IGFBP3: variants seen among roughly 807,000 people sequenced by gnomAD.
IGFBP3 encodes insulin-like growth factor-binding protein 3.
IGFBP3 carries 9 observed loss-of-function variants against 28.6 expected under a neutral mutation model. The ratio of observed to expected loss-of-function variants is 0.31; its 90% CI spans 0.19 to 0.55. IGFBP3 has a LOEUF of 0.55. IGFBP3 is among the 20% of genes least tolerant of loss of function. The pLI, the probability that IGFBP3 is intolerant of heterozygous loss-of-function variation, is 0.93. For synonymous variants in IGFBP3, 185 were observed against 188.2 expected (o/e 0.98, Z 0.14); for missense variants, 382 against 428.9 (o/e 0.89, Z 0.97).
At position 45,912,264 on chromosome 7, in the gene IGFBP3, T is replaced by G. The variant is rs1027276662; in HGVS notation, c.*1586A>C. The G allele has an allele frequency of 3.4e-4, 51 of 151,506 alleles. No individual in the cohort carries two copies. Among genetic ancestry groups the G allele is most frequent in the African/African-American group, 1.2e-3 (48 of 41,282 alleles). The allele number at this position is 151,506 out of a possible 1,614,324, so 9.4% of individuals were successfully genotyped here. ...CTAAAATATTTTCCCCTTTCAGGAT[T>G]TTATTATAATAAAATAATTATTATA... On this transcript the variant is annotated 3_prime_UTR_variant, in exon 5 of 5. Transcript: ENST00000613132.
intron 4 of IGFBP3, 64 bp from the exon 5 acceptor site, chr7:45,913,898 T>C (rs1000724933): frequency 6.6e-6 from 1 of 152,220 alleles, no homozygotes; most frequent in African/African-American, 2.4e-5. Flanking sequence ...GGCTCGACTC[T>C]TGCCCTGAGA....
chr7:45,915,220 A>C, intron 3 of IGFBP3: 1 of 366,418 alleles, frequency 2.7e-6, no homozygotes. Context: ...CCCTTGTAGA[A>C]CCTCTTGACT....
intron 1 of IGFBP3, among the ~76,000 whole-genome samples, chr7:45,919,190 T>C (rs1476639979): frequency 1.3e-5 from 2 of 152,182 alleles, no homozygotes; most frequent in African/African-American, 4.8e-5. Context: ...TTTACCTTTT[T>C]TTGTCAAATA....
chr7:45,916,515 AGAGGAAGAAAACACACT>A lies in IGFBP3; in HGVS notation c.750+16_750+32del. 6.3e-7 allele frequency: 1 copy of A among 1,597,180 alleles called. No individual in the cohort carries two copies. Among genetic ancestry groups the A allele is most frequent in the South Asian group, 1.1e-5 (1 of 90,304 alleles). ...TGGGTTTCTCCTCTGTGTCAACAGA[AGAGGAAGAAAACACACT>A]GAGGACCTCACTCACCTGCTTTTTC... On this transcript the variant is annotated intron_variant, in intron 3 of 4. Transcript: ENST00000613132.
In IGFBP3 at chr7:45,919,781, CT is replaced by C. The variant is rs373744010; in HGVS notation, c.403+956del. Among the ~76,000 whole-genome samples, 59 of 152,276 alleles carry C rather than the reference CT, an allele frequency of 3.9e-4. 1 individual carries two copies. The South Asian group carries it at 5.4e-3, about 14-fold the overall frequency. On this transcript the variant is annotated intron_variant, in intron 1 of 4. Transcript: ENST00000613132. The stretch of plus-strand genomic sequence containing the variant: ...AAATCCATTTAAACAACCCCCGCTC[CT>C]TTTTTTAAGGGAACAATGTGATGCC...
At chr7:45,917,494 C>CT in intron 1 of IGFBP3, 55 bp from the exon 2 acceptor site, 1 of 1,419,244 alleles carries the variant, frequency 7.0e-7, no homozygotes, top group East Asian at 2.3e-5. Flanking sequence ...CTATCACAGT[C>CT]TTTTAAAAAT....
At position 45,920,940 on chromosome 7, in the gene IGFBP3, G is replaced by A. The variant is rs1282857975; in HGVS notation, c.201C>T (p.Cys67=). ...TCAGTGCGCACGTCAGGCAGCAGCC[G>A]CAGCCCGGCTCGCGCACCAGCTCCG... ...VCAELVREPG[C]GCCLTCALSE... Residue 67 remains cysteine (C), a synonymous_variant, in exon 1 of 5, where the codon TGC becomes TGT. Transcript: ENST00000613132. 4 of 1,395,444 alleles carry A rather than the reference G, an allele frequency of 2.9e-6. No individual in the cohort carries two copies. The highest frequency in any genetic ancestry group is 3.2e-5 in the Admixed American group (1 of 31,206). 86.4% of individuals were successfully genotyped at this position (1,395,444 alleles called of 1,614,324 possible). A position where few individuals can be genotyped will look rare whatever the true frequency, so the allele number is the denominator to read the frequency against.
At chr7:45,919,085 T>C (rs34898986) in intron 1 of IGFBP3, among the ~76,000 whole-genome samples, 1 of 152,264 alleles carries the variant, frequency 6.6e-6, no homozygotes, top group African/African-American at 2.4e-5. Context: ...TAAATTTCCT[T>C]GGTTTCTTCT....
chr7:45,921,068 C>T lies in IGFBP3; in HGVS notation c.73G>A (p.Ala25Thr). Residue 25 changes from alanine (A) to threonine (T), a missense_variant, in exon 1 of 5, where the codon GCG becomes ACG. Physicochemically the swap from Ala to Thr is moderately conservative, Grantham distance 58 (BLOSUM62 0). Transcript: ENST00000613132. ...LLVLLRGPPVARAGASSAGLG... is the reference protein window; with the variant it reads ...LLVLLRGPPVTRAGASSAGLG... ...CCCGCCGAGCTCGCGCCAGCCCGCGCCACCGGCGGCCCGCGGAGCAGCACC... is the reference window on the plus strand; with the variant it reads ...CCCGCCGAGCTCGCGCCAGCCCGCGTCACCGGCGGCCCGCGGAGCAGCACC... 1 of 1,452,986 alleles carries T rather than the reference C, an allele frequency of 6.9e-7. No individual in the cohort carries two copies. Among genetic ancestry groups the T allele is most frequent in the Non-Finnish European group, 9.0e-7 (1 of 1,110,712 alleles). 90.0% of individuals were successfully genotyped at this position (1,452,986 alleles called of 1,614,324 possible). A position where few individuals can be genotyped will look rare whatever the true frequency, so the allele number is the denominator to read the frequency against.
At chr7:45,917,969 C>G (rs1034539947) in intron 1 of IGFBP3, among the ~76,000 whole-genome samples, 1 of 152,196 alleles carries the variant, frequency 6.6e-6, no homozygotes, top group Non-Finnish European at 1.5e-5. Context: ...TTGACCAGTA[C>G]CGTCCTCAAT....
At position 45,921,250 on chromosome 7, in the gene IGFBP3, G is replaced by A. The variant is rs1174277711; in HGVS notation, c.-110C>T. The A allele has an allele frequency of 1.5e-5, 20 of 1,317,806 alleles. No homozygotes were observed. In the East Asian group the frequency reaches 5.1e-4, roughly 34 times the overall value. 81.6% of individuals were successfully genotyped at this position (1,317,806 alleles called of 1,614,324 possible). ...AGGCAGGAAGCGGCTGATCCTCAGC[G>A]CCCAGCCGCAGTGCTCGCATCTGGG... On this transcript the variant is annotated 5_prime_UTR_variant, in exon 1 of 5. Transcript: ENST00000613132.
chr7:45,920,172 C>T (rs1474876000), intron 1 of IGFBP3: 1 of 152,284 alleles, frequency 6.6e-6, no homozygotes, highest in Non-Finnish European at 1.5e-5. Context: ...TTTTCAGCTT[C>T]AGGTTTTCCA....
intron 1 of IGFBP3, among the ~76,000 whole-genome samples, chr7:45,919,492 G>C (rs965419650): frequency 2.6e-5 from 4 of 152,134 alleles, no homozygotes; most frequent in Non-Finnish European, 4.4e-5. Flanking sequence ...ATTTCTCAGG[G>C]GTGAACAGAG....
chr7:45,917,480 A>G, intron 1 of IGFBP3, 41 bp from the exon 2 acceptor site: 1 of 1,473,512 alleles, frequency 6.8e-7, no homozygotes. Context: ...AGAGTCATCA[A>G]TATCTATCAC....
At chr7:45,915,836 A>G (rs1367195752) in intron 3 of IGFBP3, among the ~76,000 whole-genome samples, 2 of 152,210 alleles carry the variant, frequency 1.3e-5, no homozygotes, top group Non-Finnish European at 2.9e-5. Flanking sequence ...CCACATGGCC[A>G]GTTTGGAGAG....
rs1382677015 is a variant in IGFBP3, at chr7:45,920,730, C to T, written c.403+8G>A. 2 of 1,395,392 alleles carry T rather than the reference C, an allele frequency of 1.4e-6. No homozygotes were observed. The highest frequency in any genetic ancestry group is 1.6e-5 in the South Asian group (1 of 63,220). The allele number at this position is 1,395,392 out of a possible 1,614,324, so 86.4% of individuals were successfully genotyped here. ...CTGCACGCAGCGCACCTGGCGCGGG[C>T]GGCTCACCTGGAGCTGGCGGCGCTG... is the stretch of plus-strand genomic sequence containing the variant. On this transcript the variant is annotated splice_region_variant and intron_variant, in intron 1 of 4. Transcript: ENST00000613132.
Position 45,914,882 on chromosome 7 carries a change from G to A in IGFBP3, c.814C>T (p.Leu272Phe), listed in dbSNP as rs1784588256. The change falls in exon 4 of 5, where the codon CTC (leucine) becomes TTC (phenylalanine). Residue 272 changes from leucine to phenylalanine, a missense_variant. By Grantham distance (22) the Leu-to-Phe change is conservative (BLOSUM62 0). Coordinates refer to ENST00000613132, the MANE Select transcript of IGFBP3 (RefSeq NM_000598.5). ...TTCCCCTTGGTGGTGTAGCCTGGGA[G>A]AGGCTGCCCATACTTATCCACACAC... ...CWCVDKYGQPLPGYTTKGKED... is the reference protein window; with the variant it reads ...CWCVDKYGQPFPGYTTKGKED... 3 of 1,613,992 alleles carry A rather than the reference G, an allele frequency of 1.9e-6. No individual in the cohort carries two copies. The highest frequency in any genetic ancestry group is 2.5e-6 in the Non-Finnish European group (3 of 1,179,846).
chr7:45,916,722 G>A, intron 2 of IGFBP3, 55 bp from the exon 3 acceptor site: 1 of 1,576,662 alleles, frequency 6.3e-7, no homozygotes, highest in South Asian at 1.1e-5. Flanking sequence ...TCTAGAATGT[G>A]TGCTTTAAAA....
At chr7:45,919,856 G>GGGTA (rs35610649) in intron 1 of IGFBP3, among the ~76,000 whole-genome samples, 2 of 152,064 alleles carry the variant, frequency 1.3e-5, no homozygotes, top group Admixed American at 1.3e-4. Context: ...TAAGCCAAGA[G>GGGTA]GGTAACTCTG....
Sources: allele counts gnomAD v4.1 joint callset (sites outside exome capture counted in the v4.1 genomes callset), GRCh38; gene constraint gnomAD v4.1.1; transcripts MANE v1.5; gene names NCBI Gene and HGNC (gene_info 2026-07-23, HGNC 2026-07-21).